The following GLYATL1 variants were observed in gnomAD, a reference collection of about 807,000 sequenced individuals.
GLYATL1 encodes glycine N-acyltransferase-like protein 1.
In GLYATL1, 15 loss-of-function variants were observed where a neutral mutation model predicts 20.0. The observed-to-expected ratio is 0.75, with a 90% CI of 0.50 to 1.15. The LOEUF is 1.15. GLYATL1 is among the 50% of genes most tolerant of loss of function. GLYATL1 has a pLI of 0.00. For synonymous variants in GLYATL1, 151 were observed against 131.5 expected (o/e 1.15, Z -1.01); for missense variants, 380 against 368.5 (o/e 1.03, Z -0.26).
chr11:58,907,462 G>A (rs1854926644), exon 2 of GLYATL1: 1 of 400,648 alleles, frequency 2.5e-6, no homozygotes, highest in African/African-American at 2.5e-5. Flanking sequence ...ATTATTTCAT[G>A]TATTTCGCTC....
At chr11:58,936,403 C>A (rs1855837111), upstream of GLYATL1, among the ~76,000 whole-genome samples, 1 of 152,234 alleles carries the variant, frequency 6.6e-6, no homozygotes, top group East Asian at 1.9e-4. Context: ...GTGTCCACTT[C>A]CCAGGACTTA....
intron 1 of GLYATL1, among the ~76,000 whole-genome samples, chr11:58,914,950 G>T (rs193112006): frequency 1.2e-3 from 188 of 152,226 alleles, no homozygotes; most frequent in African/African-American, 4.4e-3. Context: ...TTCCAGCTGC[G>T]CCCCAAGGCT....
upstream of GLYATL1, among the ~76,000 whole-genome samples, chr11:58,937,979 T>C (rs923351537): frequency 3.9e-5 from 6 of 152,186 alleles, no homozygotes; most frequent in African/African-American, 1.4e-4. Flanking sequence ...CTCACAGGGG[T>C]TCAAAGGTGG....
chr11:58,934,610 C>G (rs544454528), upstream of GLYATL1: 2 of 152,380 alleles, frequency 1.3e-5, no homozygotes, highest in South Asian at 4.1e-4. Flanking sequence ...GGACTGGAAC[C>G]TAAGTCCACA....
At position 58,956,015 on chromosome 11, in the gene GLYATL1, A is replaced by G. The variant is rs1308611885; in HGVS notation, c.897A>G (p.Leu299=). The stretch of plus-strand genomic sequence containing the variant: ...AATGGACTTGCTACCCACAGAATCT[A>G]GTTCCATTTTAGACAATGAAGCTGC... ...WHQWTCYPQN[L]VPF The change falls in exon 7 of 7, where the codon CTA becomes CTG. Residue 299 remains leucine (L), a synonymous_variant. Coordinates refer to ENST00000532726, the MANE Select transcript of GLYATL1 (RefSeq NM_001389712.2). 2.5e-6 allele frequency: 4 copies of G among 1,610,716 alleles called. No homozygotes were observed. Among genetic ancestry groups the G allele is most frequent in the South Asian group, 1.1e-5 (1 of 91,040 alleles).
In GLYATL1 at chr11:58,950,113, CAAAAAAAAAAAAAAAAAA is replaced by C. The variant is rs56725794; in HGVS notation, c.186+2159_186+2176del. ...TGAAACCCTGTCTCTACTAAAAATA[CAAAAAAAAAAAAAAAAAA>C]AAAAAAAAAATTAGCCGGGCGTGGT... On this transcript the variant is annotated intron_variant, in intron 4 of 6. Transcript: ENST00000532726. Among the ~76,000 whole-genome samples, 2 of 76,006 alleles carry C rather than the reference CAAAAAAAAAAAAAAAAAA, an allele frequency of 2.6e-5. 1 individual carries two copies. The highest frequency in any genetic ancestry group is 4.5e-5 in the Non-Finnish European group (2 of 43,996). 49.9% of individuals were successfully genotyped at this position (76,006 alleles called of 152,430 possible).
At chr11:58,945,680 C>A (rs1232212713) in intron 2 of GLYATL1, among the ~76,000 whole-genome samples, 3 of 151,884 alleles carry the variant, frequency 2.0e-5, no homozygotes, top group Non-Finnish European at 4.4e-5. Flanking sequence ...TTAGTTAAAT[C>A]AGGTGAGAAA....
intron 1 of GLYATL1, among the ~76,000 whole-genome samples, chr11:58,940,015 G>A (rs930881904): frequency 6.6e-6 from 1 of 152,200 alleles, no homozygotes; most frequent in Non-Finnish European, 1.5e-5. Flanking sequence ...TTTAGTGATT[G>A]TTTGCAAGTG....
upstream of GLYATL1, among the ~76,000 whole-genome samples, chr11:58,923,923 TTC>T: frequency 6.6e-6 from 1 of 152,274 alleles, no homozygotes; most frequent in African/African-American, 2.4e-5. Context: ...GCCCTTTTAT[TTC>T]TTTCTCTTTT....
intron 4 of GLYATL1, among the ~76,000 whole-genome samples, chr11:58,954,456 G>T (rs1189225699): frequency 6.6e-6 from 1 of 152,116 alleles, no homozygotes; most frequent in Non-Finnish European, 1.5e-5. Context: ...CAGTTGAGTG[G>T]GTAGGGAGAA....
chr11:58,920,253 T>C (rs1855276544), intron 1 of GLYATL1, among the ~76,000 whole-genome samples: 1 of 152,158 alleles, frequency 6.6e-6, no homozygotes, highest in African/African-American at 2.4e-5. Context: ...TTTTAGTTTA[T>C]TTCCTCCTGC....
chr11:58,924,665 G>A (rs1280513673), upstream of GLYATL1, among the ~76,000 whole-genome samples: 7 of 152,088 alleles, frequency 4.6e-5, no homozygotes, highest in African/African-American at 9.7e-5. Flanking sequence ...CTCTTATTCC[G>A]GCTTTGCATC....
At chr11:58,939,843 G>T (rs1355849785) in intron 1 of GLYATL1, among the ~76,000 whole-genome samples, 193 bp downstream of exon 1, 1 of 152,122 alleles carries the variant, frequency 6.6e-6, no homozygotes. Flanking sequence ...AGTGTCTTTT[G>T]TGGGTACTAG....
At chr11:58,913,046 G>A (rs1855088887), downstream of GLYATL1, among the ~76,000 whole-genome samples, 1 of 152,200 alleles carries the variant, frequency 6.6e-6, no homozygotes, top group African/African-American at 2.4e-5. Flanking sequence ...CCCTGAGACT[G>A]GCTAGGGCTT....
At chr11:58,911,054 C>A (rs1855027783), downstream of GLYATL1, among the ~76,000 whole-genome samples, 1 of 152,202 alleles carries the variant, frequency 6.6e-6, no homozygotes, top group African/African-American at 2.4e-5. Context: ...TCCAGAACAT[C>A]ATGTAAATGG....
chr11:58,937,166 G>C (rs1855873341), upstream of GLYATL1, among the ~76,000 whole-genome samples: 2 of 152,164 alleles, frequency 1.3e-5, no homozygotes. Context: ...TTTTGCTACA[G>C]AGAGGTGCAG....
downstream of GLYATL1, among the ~76,000 whole-genome samples, chr11:58,911,975 G>GT (rs553691523): frequency 7.4e-4 from 112 of 151,668 alleles, 1 homozygote; most frequent in African/African-American, 2.0e-3. Flanking sequence ...ATTGATTTAA[G>GT]TTTTTTTTTG....
At chr11:58,947,194 G>T in intron 3 of GLYATL1, 29 bp downstream of exon 3, 1 of 1,604,546 alleles carries the variant, frequency 6.2e-7, no homozygotes. Flanking sequence ...GTCAGGGTAT[G>T]GGAGTAGGGG....
At chr11:58,906,676 A>T (rs1397147373) in intron 1 of GLYATL1, among the ~76,000 whole-genome samples, 2 of 152,088 alleles carry the variant, frequency 1.3e-5, no homozygotes, top group Non-Finnish European at 2.9e-5. Flanking sequence ...ATTAGCAAAG[A>T]TTCATGTTAG....
Sources: gnomAD v4.1 joint callset for allele counts (sites outside exome capture counted in the v4.1 genomes callset) on GRCh38, gnomAD v4.1.1 for gene constraint, MANE v1.5 for transcripts, NCBI Gene and HGNC (gene_info 2026-07-23, HGNC 2026-07-21) for gene names.